PIEZO2: variants seen among roughly 807,000 people sequenced by gnomAD.
The protein encoded by PIEZO2 is piezo type mechanosensitive ion channel component 2, also known as piezo-type mechanosensitive ion channel component 2.
Under a neutral mutation model 337.3 loss-of-function variants are expected in PIEZO2, and 172 were observed. The observed-to-expected ratio is 0.51, with a 90% CI of 0.45 to 0.58. The LOEUF is 0.58. Among genes scored for constraint, PIEZO2 ranks in the 20% least tolerant of loss-of-function variants. PIEZO2 has a pLI of 0.00. For missense variants in PIEZO2, 3,028 were observed against 3,391.3 expected, an observed-to-expected ratio of 0.89 and a Z score of 2.66; for synonymous variants, 1,251 against 1,228.5, an observed-to-expected ratio of 1.02 and a Z score of -0.38.
At chr18:10,933,150 T>C (rs896943705) in intron 3 of PIEZO2, among the ~76,000 whole-genome samples, 4 of 152,076 alleles carry the variant, frequency 2.6e-5, no homozygotes, top group African/African-American at 9.7e-5. Context: ...GGGACAAGGC[T>C]ACAAGGTTGG....
rs988721068 is a variant in PIEZO2 at position 11,131,566 on chromosome 18, T to C, written c.64+16959A>G. The stretch of plus-strand genomic sequence containing the variant: ...CAGCGGTGAAGGGAAATCTTCCCAG[T>C]GGGCAGAACTTCGAGCCATGCACCT... On this transcript the variant is annotated intron_variant, in intron 1 of 55. Transcript: ENST00000674853. This position sits in a 1 kb window ranked among gnomAD's most constrained non-coding sequence, Gnocchi z 5.3. 2.0e-5 allele frequency among the ~76,000 whole-genome samples: 3 copies of C among 152,194 alleles called. No homozygotes were observed. The highest frequency in any genetic ancestry group is 7.2e-5 in the African/African-American group (3 of 41,452).
At chr18:10,747,826 T>C (rs537531860) in intron 30 of PIEZO2, among the ~76,000 whole-genome samples, 9 of 152,320 alleles carry the variant, frequency 5.9e-5, no homozygotes, top group African/African-American at 2.2e-4. Context: ...TTTCATGTAA[T>C]AGAACCCAGT....
rs1184272581 is a variant in PIEZO2, at chr18:11,148,676, C to A, written c.-88G>T. ...CGCAAGGCCCATGCCCGTCTATGGC[C>A]TCTCGCCGCCGGCAGCTCGCAGCCA... On this transcript the variant is annotated 5_prime_UTR_variant, in exon 1 of 56. In the 5' UTR this introduces an upstream ATG that the reference lacks. Transcript: ENST00000674853. The surrounding 1 kb of genome is among the most constrained non-coding windows in gnomAD (Gnocchi z 5.2). 9 of 1,391,008 alleles carry A rather than the reference C, an allele frequency of 6.5e-6. No individual in the cohort carries two copies. The highest frequency in any genetic ancestry group is 2.0e-5 in the Admixed American group (1 of 49,076). 86.2% of individuals were successfully genotyped at this position (1,391,008 alleles called of 1,614,324 possible). A position where few individuals can be genotyped will look rare whatever the true frequency, so the allele number is the denominator to read the frequency against.
intron 18 of PIEZO2, among the ~76,000 whole-genome samples, chr18:10,776,808 T>G (rs2038805648): frequency 1.3e-5 from 2 of 152,200 alleles, no homozygotes; most frequent in Non-Finnish European, 2.9e-5. Flanking sequence ...ATTCAGCTTT[T>G]TTTTTCCTTC....
chr18:10,696,584 G>A, intron 45 of PIEZO2, 45 bp from the exon 46 acceptor site: 1 of 1,606,268 alleles, frequency 6.2e-7, no homozygotes, highest in Non-Finnish European at 8.5e-7. Flanking sequence ...GTTTCAGGAA[G>A]GGCAGGATGG....
chr18:10,921,970 C>T (rs917439593), intron 3 of PIEZO2, among the ~76,000 whole-genome samples: 5 of 152,122 alleles, frequency 3.3e-5, no homozygotes, highest in Non-Finnish European at 4.4e-5. Flanking sequence ...TGCTCTCAAA[C>T]CCTGTCTCCT....
At chr18:10,976,130 A>G (rs141221384) in intron 3 of PIEZO2, among the ~76,000 whole-genome samples, 131 of 152,316 alleles carry the variant, frequency 8.6e-4, no homozygotes, top group African/African-American at 3.0e-3. Context: ...ACCCACACTA[A>G]CAGTATTTTC....
chr18:11,056,712 G>A (rs2037744002), intron 2 of PIEZO2, among the ~76,000 whole-genome samples: 1 of 152,148 alleles, frequency 6.6e-6, no homozygotes, highest in South Asian at 2.1e-4. Context: ...GGAGCTGCTA[G>A]ACCTTCAGGA....
rs1017087156 is a variant in PIEZO2, at chr18:10,698,045, T to C, written c.6695-165A>G. Among the ~76,000 whole-genome samples, 6 of 64,516 alleles carry C rather than the reference T, an allele frequency of 9.3e-5. No individual in the cohort carries two copies. The Admixed American group carries it at 1.0e-3, about 11-fold the overall frequency. The allele number at this position is 64,516 out of a possible 152,430, so 42.3% of individuals were successfully genotyped here. On this transcript the variant is annotated intron_variant, in intron 44 of 55. Transcript: ENST00000674853. ...GGATTTGTCCTCAACTCTGCTCCCA[T>C]CGCAGGCCTGTGGGGTTTAACACCC...
At chr18:11,089,279 A>G (rs145718915) in intron 1 of PIEZO2, among the ~76,000 whole-genome samples, 1 of 152,318 alleles carries the variant, frequency 6.6e-6, no homozygotes, top group Non-Finnish European at 1.5e-5. Context: ...CTGTCTTGAC[A>G]ACAGAATGCT....
rs1169124261 is a variant in PIEZO2 at position 11,080,665 on chromosome 18, G to A, written c.65-14443C>T. On this transcript the variant is annotated intron_variant, in intron 1 of 55. Transcript: ENST00000674853. The surrounding 1 kb of genome is among the most constrained non-coding windows in gnomAD (Gnocchi z 5.4). ...TCAAGACTATCCTGGCCAACACGGT[G>A]AAACCCCGTCTCTACTAAAAATACA... 1.3e-5 allele frequency among the ~76,000 whole-genome samples: 2 copies of A among 152,176 alleles called. No homozygotes were observed. The highest frequency in any genetic ancestry group is 2.9e-5 in the Non-Finnish European group (2 of 68,022).
At chr18:10,780,397 G>C in intron 17 of PIEZO2, 31 bp from the exon 18 acceptor site, 1 of 702,948 alleles carries the variant, frequency 1.4e-6, no homozygotes, top group Non-Finnish European at 2.6e-6. Context: ...GCACAGGGAT[G>C]CAATGAGGAG....
chr18:10,720,399 G>A (rs1016607117), intron 36 of PIEZO2, among the ~76,000 whole-genome samples: 57 of 9,092 alleles, frequency 6.3e-3, no homozygotes, highest in East Asian at 0.017. Flanking sequence ...GTGTGTGTGT[G>A]TGTGTATGTG....
rs1033152954 is a variant in PIEZO2 at position 11,102,433 on chromosome 18, G to A, written c.65-36211C>T. On this transcript the variant is annotated intron_variant, in intron 1 of 55. Transcript: ENST00000674853. The surrounding 1 kb of genome is among the most constrained non-coding windows in gnomAD (Gnocchi z 5.7). ...CAAAACCCTGATCTGATTGAAGATC[G>A]AATCTCACCCTGTCCCCCACCAGGC... Among the ~76,000 whole-genome samples the A allele has an allele frequency of 2.6e-5, 4 of 152,130 alleles. No individual in the cohort carries two copies. The highest frequency in any genetic ancestry group is 2.1e-4 in the South Asian group (1 of 4,828).
intron 3 of PIEZO2, among the ~76,000 whole-genome samples, chr18:10,921,868 T>A (rs1052055541): frequency 6.6e-6 from 1 of 152,194 alleles, no homozygotes; most frequent in Middle Eastern, 3.4e-3. Context: ...TGGTCGAGAC[T>A]GTAGGGATGA....
chr18:10,707,357 C>T lies in PIEZO2; in HGVS notation c.5588+918G>A, dbSNP rs1490284348. ...AGAAAATGGACTGGCATGGCAGGCA[C>T]ATGCCCGCCAGAGGACTTTGTCAAA... On this transcript the variant is annotated intron_variant, in intron 40 of 55. Coordinates refer to ENST00000674853, the MANE Select transcript of PIEZO2 (RefSeq NM_001378183.1). This position sits in a 1 kb window ranked among gnomAD's most constrained non-coding sequence, Gnocchi z 4.2. Among the ~76,000 whole-genome samples the T allele has an allele frequency of 1.3e-5, 2 of 152,104 alleles. No individual in the cohort carries two copies. Among genetic ancestry groups the T allele is most frequent in the Non-Finnish European group, 2.9e-5 (2 of 68,024 alleles).
At chr18:11,043,592 A>G (rs567506548) in intron 2 of PIEZO2, among the ~76,000 whole-genome samples, 116 of 152,324 alleles carry the variant, frequency 7.6e-4, no homozygotes, top group Middle Eastern at 3.4e-3. Flanking sequence ...ATCTATCAGT[A>G]TAACAAGAAC....
At chr18:10,701,085 A>G (rs1478123786) in intron 43 of PIEZO2, among the ~76,000 whole-genome samples, 2 of 152,236 alleles carry the variant, frequency 1.3e-5, no homozygotes, top group Non-Finnish European at 2.9e-5. Flanking sequence ...GTATGTATTA[A>G]CTTATGCCAA....
chr18:10,930,623 AATTG>A (rs1448645491), intron 3 of PIEZO2, among the ~76,000 whole-genome samples: 22 of 152,128 alleles, frequency 1.4e-4, no homozygotes, highest in Admixed American at 1.4e-3. Context: ...CAAACCTCTA[AATTG>A]ATTGAGACCT....
Sources: gnomAD v4.1 joint callset for allele counts (sites outside exome capture counted in the v4.1 genomes callset) on GRCh38, gnomAD v4.1.1 for gene constraint, Gnocchi (gnomAD v3.1) non-coding constraint, MANE v1.5 for transcripts, NCBI Gene and HGNC (gene_info 2026-07-23, HGNC 2026-07-21) for gene names.